EXOC4: variants seen among roughly 807,000 people sequenced by gnomAD.
EXOC4 encodes exocyst complex component 4.
In EXOC4, 71 loss-of-function variants were observed where a neutral mutation model predicts 107.2. The ratio of observed to expected loss-of-function variants is 0.66; its 90% CI spans 0.55 to 0.81. The LOEUF (loss-of-function observed/expected upper bound fraction) is 0.81, where lower values mean the gene tolerates loss of function less well. Among genes scored for constraint, EXOC4 ranks in the 30% least tolerant of loss-of-function variants. The pLI is 0.00. For synonymous variants in EXOC4, 456 were observed against 441.2 expected, an observed-to-expected ratio of 1.03 and a Z score of -0.42; for missense variants, 1,108 against 1,189.6, an observed-to-expected ratio of 0.93 and a Z score of 1.01.
At chr7:133,864,413 A>G (rs1798594897) in intron 11 of EXOC4, among the ~76,000 whole-genome samples, 1 of 152,016 alleles carries the variant, frequency 6.6e-6, no homozygotes, top group Non-Finnish European at 1.5e-5. Flanking sequence ...ACTCTACTAC[A>G]CCTCCTCTTT....
chr7:133,756,816 C>T (rs1795927475), intron 10 of EXOC4, among the ~76,000 whole-genome samples: 1 of 152,080 alleles, frequency 6.6e-6, no homozygotes, highest in African/African-American at 2.4e-5. Context: ...ATGTATAAAA[C>T]ACATTGCAAG....
At chr7:133,446,349 G>A (rs1167241384) in intron 7 of EXOC4, among the ~76,000 whole-genome samples, 4 of 151,910 alleles carry the variant, frequency 2.6e-5, no homozygotes, top group Non-Finnish European at 4.4e-5. Context: ...TTTATTTTTC[G>A]CCCTACTCTG....
intron 3 of EXOC4, among the ~76,000 whole-genome samples, chr7:133,295,190 G>T (rs902152243): frequency 2.0e-5 from 3 of 152,088 alleles, no homozygotes; most frequent in Non-Finnish European, 4.4e-5. Flanking sequence ...GGATTAAGCA[G>T]TTTTGATTCC....
At chr7:133,904,377 G>T (rs978649591) in intron 12 of EXOC4, among the ~76,000 whole-genome samples, 1 of 152,150 alleles carries the variant, frequency 6.6e-6, no homozygotes. Context: ...CCGTTCTATA[G>T]GAATTGTGTT....
At chr7:133,847,447 C>T (rs1798151702) in intron 11 of EXOC4, among the ~76,000 whole-genome samples, 1 of 149,936 alleles carries the variant, frequency 6.7e-6, no homozygotes, top group Non-Finnish European at 1.5e-5. Context: ...GGCGCGGTCT[C>T]TGCTGACTGC....
chr7:133,614,027 G>A (rs939816335), intron 9 of EXOC4, among the ~76,000 whole-genome samples: 1 of 152,134 alleles, frequency 6.6e-6, no homozygotes, highest in South Asian at 2.1e-4. Context: ...GTTAATAGGA[G>A]AAGCAGCTTC....
chr7:133,967,875 G>C (rs1364004202), intron 14 of EXOC4, among the ~76,000 whole-genome samples: 1 of 152,080 alleles, frequency 6.6e-6, no homozygotes. Flanking sequence ...TTCAAGTCCT[G>C]GATATCCTTG....
At chr7:133,908,932 C>T (rs1013297540) in intron 12 of EXOC4, among the ~76,000 whole-genome samples, 1 of 152,130 alleles carries the variant, frequency 6.6e-6, no homozygotes, top group Non-Finnish European at 1.5e-5. Flanking sequence ...TGGTGTGCTG[C>T]ACCCATCATC....
intron 7 of EXOC4, among the ~76,000 whole-genome samples, chr7:133,379,654 T>A (rs907368678): frequency 6.6e-6 from 1 of 151,792 alleles, no homozygotes; most frequent in African/African-American, 2.4e-5. Context: ...TAAGTTTTTA[T>A]GACCCCCCCC....
At chr7:133,256,117 G>T (rs1490952604) in intron 1 of EXOC4, among the ~76,000 whole-genome samples, 2 of 152,036 alleles carry the variant, frequency 1.3e-5, no homozygotes, top group African/African-American at 4.8e-5. Flanking sequence ...GAGTAGCTGG[G>T]ACTACAGGCA....
In EXOC4 at chr7:134,016,366, AAG is replaced by A. The variant is rs531818338; in HGVS notation, c.2687+8534_2687+8535del. Among the ~76,000 whole-genome samples the A allele has an allele frequency of 5.3e-5, 8 of 152,282 alleles. No individual in the cohort carries two copies. The East Asian group carries it at 1.4e-3, about 26-fold the overall frequency. On this transcript the variant is annotated intron_variant, in intron 17 of 17. Transcript: ENST00000253861. The stretch of plus-strand genomic sequence containing the variant: ...GAAGACCCAAAAGGGCATGAGAAGG[AAG>A]AGGAGCCCCTGAAGAAGATAGGGAA...
intron 17 of EXOC4, among the ~76,000 whole-genome samples, chr7:134,059,130 C>T (rs879357096): frequency 4.6e-5 from 7 of 152,158 alleles, no homozygotes; most frequent in Non-Finnish European, 1.0e-4. Context: ...CAGGGCCTTG[C>T]TGTCACCCCT....
At chr7:133,268,515 G>A (rs1377877219) in intron 1 of EXOC4, among the ~76,000 whole-genome samples, 2 of 151,846 alleles carry the variant, frequency 1.3e-5, no homozygotes, top group Non-Finnish European at 2.9e-5. Context: ...TCTCCTGTCC[G>A]GACTCCATTA....
intron 17 of EXOC4, among the ~76,000 whole-genome samples, chr7:134,047,521 C>CAA (rs1795685371): frequency 6.6e-6 from 1 of 152,160 alleles, no homozygotes; most frequent in Non-Finnish European, 1.5e-5. Flanking sequence ...AGACACCCCC[C>CAA]AAAGGCACAA....
intron 10 of EXOC4, among the ~76,000 whole-genome samples, chr7:133,679,778 A>C (rs1794148243): frequency 6.6e-6 from 1 of 152,244 alleles, no homozygotes; most frequent in African/African-American, 2.4e-5. Flanking sequence ...TCACTGCAGA[A>C]CACTGTAGAA....
At chr7:134,075,527 C>A in the EXOC4 span, among the ~76,000 whole-genome samples, 2 of 152,106 alleles carry the variant, frequency 1.3e-5, no homozygotes, top group African/African-American at 4.8e-5. Context: ...AAAGGGGAAA[C>A]CCCTTATAAA....
At chr7:133,536,526 C>T (rs1800273011) in intron 9 of EXOC4, among the ~76,000 whole-genome samples, 1 of 151,820 alleles carries the variant, frequency 6.6e-6, no homozygotes. Flanking sequence ...CATTGTCTAC[C>T]CCGTTACCTA....
intron 7 of EXOC4, among the ~76,000 whole-genome samples, chr7:133,466,004 G>A (rs1304405228): frequency 4.6e-5 from 7 of 152,018 alleles, no homozygotes; most frequent in Non-Finnish European, 1.0e-4. Context: ...GGGCTTGGTG[G>A]TGGGCGTCTG....
chr7:134,054,349 C>T (rs1795872608), intron 17 of EXOC4, among the ~76,000 whole-genome samples: 1 of 152,272 alleles, frequency 6.6e-6, no homozygotes, highest in East Asian at 1.9e-4. Flanking sequence ...TAAGGTTTCT[C>T]CCAACTATTG....
Sources: allele counts gnomAD v4.1 joint callset (sites outside exome capture counted in the v4.1 genomes callset), GRCh38; gene constraint gnomAD v4.1.1; transcripts MANE v1.5; gene names NCBI Gene and HGNC (gene_info 2026-07-23, HGNC 2026-07-21).